Variants in FOCAD observed in about 807,000 individuals in gnomAD.
The protein encoded by FOCAD is KIAA1797.
A neutral mutation model predicts 225.6 loss-of-function variants in FOCAD; 198 were observed. That is an observed-to-expected ratio of 0.88 (90% CI 0.78 to 0.99). The LOEUF is 0.99. Among genes scored for constraint, FOCAD ranks in the 50% least tolerant of loss-of-function variants. FOCAD has a pLI of 0.00. For missense variants in FOCAD, 2,713 were observed against 2,123.6 expected (o/e 1.28, Z -5.46); for synonymous variants, 897 against 755.0 (o/e 1.19, Z -3.08).
chr9:20,984,704 GA>G (rs2132653357), intron 39 of FOCAD, among the ~76,000 whole-genome samples: 1 of 152,282 alleles, frequency 6.6e-6, no homozygotes, highest in East Asian at 1.9e-4. Flanking sequence ...AGATATGCAG[GA>G]GGAAAAGGGA....
intron 11 of FOCAD, among the ~76,000 whole-genome samples, chr9:20,807,241 CT>C (rs1822555275): frequency 1.3e-5 from 2 of 152,334 alleles, no homozygotes; most frequent in South Asian, 4.1e-4. Flanking sequence ...GACTGTTTAG[CT>C]AGATGACATG....
chr9:20,896,384 A>C (rs1452802554), intron 21 of FOCAD, among the ~76,000 whole-genome samples: 1 of 151,908 alleles, frequency 6.6e-6, no homozygotes, highest in Non-Finnish European at 1.5e-5. Context: ...ATAATGAGTT[A>C]GGAAGTATTC....
At chr9:20,872,868 T>C (rs1235428432) in intron 18 of FOCAD, 3 of 152,170 alleles carry the variant, frequency 2.0e-5, no homozygotes, top group Non-Finnish European at 4.4e-5. Flanking sequence ...TTTCTGCCTC[T>C]GTAAGTTTGC....
chr9:20,994,560 G>A (rs575501859), intron 43 of FOCAD, among the ~76,000 whole-genome samples: 2 of 152,284 alleles, frequency 1.3e-5, no homozygotes, highest in East Asian at 1.9e-4. Flanking sequence ...GTTGTAATCT[G>A]TCTCCTCAAA....
At position 20,789,500 on chromosome 9, in the gene FOCAD, T is replaced by C. The variant is rs1337253801; in HGVS notation, c.1347T>C (p.Pro449=). The C allele has an allele frequency of 6.8e-6, 11 of 1,614,000 alleles. No homozygotes were observed. The highest frequency in any genetic ancestry group is 8.5e-6 in the Non-Finnish European group (10 of 1,179,980). The change falls in exon 11 of 44, where the codon CCT becomes CCC. Residue 449 remains proline (P), a synonymous_variant. Transcript: ENST00000338382. ...ESLLPITAVI[P]APAFLLLAHL... Reference sequence around the variant, plus strand: ...TGCTTCCTATTACTGCTGTGATCCCTGCGCCTGCCTTTCTTCTGCTGGCTC... The same window carrying C: ...TGCTTCCTATTACTGCTGTGATCCCCGCGCCTGCCTTTCTTCTGCTGGCTC...
At chr9:20,740,370 C>G (rs1316723596) in intron 5 of FOCAD, 30 bp downstream of exon 5, 18 of 1,184,954 alleles carry the variant, frequency 1.5e-5, no homozygotes, top group Middle Eastern at 2.2e-4. Flanking sequence ...TTTTTTTAAA[C>G]AAATATGAAT....
rs1482201501 is a variant in FOCAD, at chr9:20,981,623, C to G, written c.4575C>G (p.His1525Gln). Reference protein sequence around the residue: ...QAMKLPSPAHHLWSLLSEATG... With the variant: ...QAMKLPSPAHQLWSLLSEATG... ...TGAAACTGCCCAGCCCTGCCCACCA[C>G]CTCTGGAGTCTGCTCTCTGAAGCTA... The change falls in exon 38 of 44, where the codon CAC becomes CAG. Residue 1525 changes from histidine to glutamine, a missense_variant. Transcript: ENST00000338382. The G allele has an allele frequency of 1.9e-6, 3 of 1,613,898 alleles. No homozygotes were observed. The highest frequency in any genetic ancestry group is 1.3e-5 in the African/African-American group (1 of 74,912).
intron 15 of FOCAD, among the ~76,000 whole-genome samples, chr9:20,831,763 T>C (rs761837521): frequency 6.6e-6 from 1 of 152,074 alleles, no homozygotes; most frequent in African/African-American, 2.4e-5. Context: ...TAGTGACTTT[T>C]TGAATAGAGT....
chr9:20,932,623 A>C (rs1835588283), intron 27 of FOCAD, among the ~76,000 whole-genome samples: 1 of 152,274 alleles, frequency 6.6e-6, no homozygotes, highest in Admixed American at 6.5e-5. Context: ...ATTTGGAATG[A>C]TTATTGATAA....
At chr9:20,699,954 C>A (rs1296171561) in intron 1 of FOCAD, among the ~76,000 whole-genome samples, 3 of 150,636 alleles carry the variant, frequency 2.0e-5, no homozygotes, top group African/African-American at 7.3e-5. Flanking sequence ...AGCATTTCAC[C>A]CCAAGATCCT....
At chr9:20,729,727 G>C (rs529173321) in intron 4 of FOCAD, among the ~76,000 whole-genome samples, 42 of 152,256 alleles carry the variant, frequency 2.8e-4, no homozygotes, top group African/African-American at 1.0e-3. Flanking sequence ...ATTTGGAGGA[G>C]AGCCACATGG....
intron 11 of FOCAD, among the ~76,000 whole-genome samples, chr9:20,792,514 G>C (rs764444341): frequency 6.6e-6 from 1 of 152,158 alleles, no homozygotes; most frequent in Non-Finnish European, 1.5e-5. Context: ...AAAACTCAGT[G>C]CCTCTTTCAA....
At chr9:20,758,234 A>AT in intron 6 of FOCAD, 43 bp downstream of exon 6, 1 of 1,396,202 alleles carries the variant, frequency 7.2e-7, no homozygotes, top group Non-Finnish European at 1.0e-6. Flanking sequence ...GGGAGACAGA[A>AT]TGGTATATGC....
rs1840386458 is a variant in FOCAD, at chr9:20,978,321, T to A, written c.4262-18T>A. 1 of 1,545,590 alleles carries A rather than the reference T, an allele frequency of 6.5e-7. No individual in the cohort carries two copies. Among genetic ancestry groups the A allele is most frequent in the Non-Finnish European group, 8.9e-7 (1 of 1,129,834 alleles). ...AAAGTAACTATATATTCAATTCTTT[T>A]CCTTTCTTGACTTTCAGGTGAAGAG... On this transcript the variant is annotated intron_variant, in intron 36 of 43. Transcript: ENST00000338382.
chr9:20,752,452 A>G (rs1223294699), intron 5 of FOCAD, among the ~76,000 whole-genome samples: 2 of 152,270 alleles, frequency 1.3e-5, no homozygotes, highest in East Asian at 3.9e-4. Context: ...CAGGTTTGCC[A>G]AAGATCAGAT....
At chr9:20,732,708 A>T (rs1298280961) in intron 4 of FOCAD, among the ~76,000 whole-genome samples, 1 of 152,122 alleles carries the variant, frequency 6.6e-6, no homozygotes, top group Non-Finnish European at 1.5e-5. Flanking sequence ...ATACACAGAG[A>T]TTAGGTGGCT....
At chr9:20,747,197 T>C (rs1828114113) in intron 5 of FOCAD, among the ~76,000 whole-genome samples, 1 of 152,170 alleles carries the variant, frequency 6.6e-6, no homozygotes, top group Non-Finnish European at 1.5e-5. Context: ...ACTCCCTTTA[T>C]GTTTATTAGT....
Position 20,866,917 on chromosome 9 carries a change from T to TTTTTTTTTTTTA in FOCAD, c.2107-12_2107-11insTTTTTTTTTTTA. 9.2e-6 allele frequency: 7 copies of TTTTTTTTTTTTA among 764,966 alleles called. No individual in the cohort carries two copies. The highest frequency in any genetic ancestry group is 2.0e-5 in the African/African-American group (1 of 48,872). 47.4% of individuals were successfully genotyped at this position (764,966 alleles called of 1,614,324 possible). ...TTTTTTTTTTTTTTTTTTTTTTTTTTACCCTATCTAGGACCCAATTGTAGC... is the reference window on the plus strand; with the variant it reads ...TTTTTTTTTTTTTTTTTTTTTTTTTTTTTTTTTTTTTAACCCTATCTAGGACCCAATTGTAGC... On this transcript the variant is annotated splice_polypyrimidine_tract_variant and intron_variant, in intron 17 of 43. Transcript: ENST00000338382.
intron 2 of FOCAD, among the ~76,000 whole-genome samples, chr9:20,659,172 A>G (rs1402571623): frequency 3.3e-5 from 5 of 152,056 alleles, no homozygotes; most frequent in African/African-American, 9.7e-5. Context: ...GTGAGCCAAG[A>G]TGGCACCACT....
Sources: gnomAD v4.1 joint callset for allele counts (sites outside exome capture counted in the v4.1 genomes callset) on GRCh38, gnomAD v4.1.1 for gene constraint, MANE v1.5 for transcripts, NCBI Gene and HGNC (gene_info 2026-07-23, HGNC 2026-07-21) for gene names.